Variants in ARHGEF3 observed in about 807,000 individuals in gnomAD.
ARHGEF3 encodes 59.8 kDA protein.
Under a neutral mutation model 63.2 loss-of-function variants are expected in ARHGEF3, and 28 were observed. The observed-to-expected ratio is 0.44, with a 90% CI of 0.33 to 0.61. ARHGEF3 has a LOEUF of 0.61. Ranked by LOEUF, ARHGEF3 falls within the 20% of genes least tolerant of loss-of-function variation. The probability of loss-of-function intolerance (pLI) is 0.03; values close to 1 mark genes in which losing one functional copy is unlikely to be tolerated. For missense variants in ARHGEF3, 533 were observed against 659.3 expected (o/e 0.81, Z 2.10); for synonymous variants, 266 against 254.2 (o/e 1.05, Z -0.44).
chr3:56,827,326 A>C (rs1040440182), intron 4 of ARHGEF3, among the ~76,000 whole-genome samples: 3 of 152,202 alleles, frequency 2.0e-5, no homozygotes, highest in African/African-American at 7.2e-5. Context: ...ACAACATCAC[A>C]AGGAGCAATG....
chr3:57,014,491 G>A (rs1268476442), intron 2 of ARHGEF3, among the ~76,000 whole-genome samples: 1 of 152,088 alleles, frequency 6.6e-6, no homozygotes, highest in African/African-American at 2.4e-5. Flanking sequence ...AATATTTACT[G>A]TGCATATGCG....
intron 3 of ARHGEF3, among the ~76,000 whole-genome samples, chr3:56,957,913 A>G (rs577941798): frequency 7.0e-4 from 106 of 152,282 alleles, no homozygotes; most frequent in African/African-American, 2.5e-3. Flanking sequence ...ACCTCCATAC[A>G]CTGTGGCTAT....
Position 56,943,259 on chromosome 3 carries a change from T to C in ARHGEF3, c.129+15564A>G, listed in dbSNP as rs568469916. Among the ~76,000 whole-genome samples the C allele has an allele frequency of 5.9e-5, 9 of 152,340 alleles. No homozygotes were observed. The South Asian group carries it at 1.7e-3, about 28-fold the overall frequency. The stretch of plus-strand genomic sequence containing the variant: ...CTTTCTTATTAGGAGCTAAGGCAGT[T>C]GGTGACTTTAAGTTGAAGCCAATGC... On this transcript the variant is annotated intron_variant, in intron 3 of 12. Coordinates refer to the ARHGEF3 transcript ENST00000338458.
At chr3:57,031,447 T>C (rs948094002) in intron 2 of ARHGEF3, among the ~76,000 whole-genome samples, 13 of 152,166 alleles carry the variant, frequency 8.5e-5, no homozygotes, top group African/African-American at 3.1e-4. Context: ...TTCCAATGAT[T>C]AACTCAGAAC....
chr3:56,727,794 CT>C lies in ARHGEF3; in HGVS notation c.*1475del, dbSNP rs1036764706. Reference sequence around the variant, plus strand: ...ACAGGGTAAAATTGATCACAATATCCTTGTTTTCAAAAAATAATAAAGTATA... The same window carrying C: ...ACAGGGTAAAATTGATCACAATATCCTGTTTTCAAAAAATAATAAAGTATA... On this transcript the variant is annotated 3_prime_UTR_variant, in exon 10 of 10. Coordinates refer to ENST00000296315, the MANE Select transcript of ARHGEF3 (RefSeq NM_019555.3). 6.6e-6 allele frequency: 1 copy of C among 152,498 alleles called. No individual in the cohort carries two copies. The highest frequency in any genetic ancestry group is 2.4e-5 in the African/African-American group (1 of 41,408). 9.4% of individuals were successfully genotyped at this position (152,498 alleles called of 1,614,324 possible).
intron 2 of ARHGEF3, among the ~76,000 whole-genome samples, chr3:56,993,409 C>G (rs1004987398): frequency 6.6e-6 from 1 of 152,130 alleles, no homozygotes; most frequent in Non-Finnish European, 1.5e-5. Flanking sequence ...TGGTCTCACT[C>G]TGTTGCCCAG....
At chr3:57,028,340 C>T (rs1255649507) in intron 2 of ARHGEF3, among the ~76,000 whole-genome samples, 1 of 85,012 alleles carries the variant, frequency 1.2e-5, no homozygotes, top group Non-Finnish European at 2.3e-5. Context: ...GGCACATATA[C>T]ACCATGGAAT....
intron 2 of ARHGEF3, among the ~76,000 whole-genome samples, chr3:57,002,593 TAA>T (rs1702298118): frequency 6.9e-6 from 1 of 144,810 alleles, no homozygotes; most frequent in Admixed American, 7.0e-5. Flanking sequence ...TATATATATG[TAA>T]TATATATACT....
At chr3:57,072,549 T>C (rs1413624805) in intron 1 of ARHGEF3, among the ~76,000 whole-genome samples, 3 of 151,548 alleles carry the variant, frequency 2.0e-5, no homozygotes, top group Non-Finnish European at 2.9e-5. Flanking sequence ...AAGACCAGCC[T>C]GGGCAACATG....
At position 56,922,067 on chromosome 3, in the gene ARHGEF3, A is replaced by G. The variant is rs9860702; in HGVS notation, c.129+36756T>C. ...CTGATACATGGGCAGCTATTTTTAA[A>G]AGTGAATGCAAAAAAAAAAAAGGAA... is the stretch of plus-strand genomic sequence containing the variant. On this transcript the variant is annotated intron_variant, in intron 3 of 12. Coordinates refer to the ARHGEF3 transcript ENST00000338458. Among the ~76,000 whole-genome samples, 269 of 151,960 alleles carry G rather than the reference A, an allele frequency of 1.8e-3. 1 individual carries two copies. Among genetic ancestry groups the G allele is most frequent in the African/African-American group, 6.2e-3 (257 of 41,258 alleles).
chr3:57,056,962 G>T (rs1302592874), intron 1 of ARHGEF3, among the ~76,000 whole-genome samples: 2 of 151,048 alleles, frequency 1.3e-5, no homozygotes, highest in African/African-American at 2.4e-5. Context: ...ACACACCCCT[G>T]CCCCCTGCCC....
At chr3:56,881,867 C>T (rs2040775062) in intron 4 of ARHGEF3, among the ~76,000 whole-genome samples, 1 of 152,222 alleles carries the variant, frequency 6.6e-6, no homozygotes, top group Admixed American at 6.5e-5. Context: ...GATCCAAAGC[C>T]ACTCACTCCA....
chr3:56,767,863 C>T (rs891940397), intron 2 of ARHGEF3, among the ~76,000 whole-genome samples: 1 of 151,860 alleles, frequency 6.6e-6, no homozygotes, highest in African/African-American at 2.4e-5. Flanking sequence ...CCTCCCACCT[C>T]AGCCTCCCAA....
At chr3:57,074,024 T>C in intron 1 of ARHGEF3, 1 of 1,614,188 alleles carries the variant, frequency 6.2e-7, no homozygotes, top group Non-Finnish European at 8.5e-7. Flanking sequence ...CACCTCCAGC[T>C]CTCCTGATAC....
At chr3:56,920,871 T>G (rs1034641398) in intron 3 of ARHGEF3, among the ~76,000 whole-genome samples, 5 of 151,728 alleles carry the variant, frequency 3.3e-5, no homozygotes, top group Non-Finnish European at 5.9e-5. Flanking sequence ...GCTAACGTGG[T>G]GAAACCCTGT....
At chr3:56,914,102 A>G (rs571195037) in intron 3 of ARHGEF3, among the ~76,000 whole-genome samples, 1 of 152,336 alleles carries the variant, frequency 6.6e-6, no homozygotes, top group East Asian at 1.9e-4. Context: ...TAAGAATGAT[A>G]TAATGGACTT....
intron 2 of ARHGEF3, among the ~76,000 whole-genome samples, chr3:56,760,268 C>A (rs2035343295): frequency 6.6e-6 from 1 of 151,914 alleles, no homozygotes; most frequent in Admixed American, 6.5e-5. Context: ...TTTGCTCACA[C>A]TCTCATCAAC....
Position 57,029,360 on chromosome 3 carries a change from C to T in ARHGEF3, c.62+5728G>A, listed in dbSNP as rs138436633. 6.8e-3 allele frequency among the ~76,000 whole-genome samples: 1,032 copies of T among 151,702 alleles called. 6 individuals are homozygous for T. The highest frequency in any genetic ancestry group is 0.011 in the Non-Finnish European group (737 of 67,944). On this transcript the variant is annotated intron_variant, in intron 2 of 12. Coordinates refer to the ARHGEF3 transcript ENST00000338458. ...CAGGAGAATCACTTGAACCCAGGAG[C>T]GGAGGTTGCAGTGAGCAGAGATCAT...
At chr3:56,790,805 C>T (rs1000938411) in intron 1 of ARHGEF3, among the ~76,000 whole-genome samples, 13 of 152,350 alleles carry the variant, frequency 8.5e-5, no homozygotes, top group African/African-American at 3.1e-4. Context: ...AACTCCATCT[C>T]TTTCTGCCAC....
Sources: gnomAD v4.1 joint callset for allele counts (sites outside exome capture counted in the v4.1 genomes callset) on GRCh38, gnomAD v4.1.1 for gene constraint, MANE v1.5 for transcripts, NCBI Gene and HGNC (gene_info 2026-07-23, HGNC 2026-07-21) for gene names.